Variants in RDX observed in about 807,000 individuals in gnomAD.
RDX encodes the protein deafness, autosomal recessive 24.
Under a neutral mutation model 83.7 loss-of-function variants are expected in RDX, and 32 were observed. The ratio of observed to expected loss-of-function variants is 0.38; its 90% CI spans 0.29 to 0.51. RDX has a LOEUF of 0.51. Among genes scored for constraint, RDX ranks in the 20% least tolerant of loss-of-function variants. The probability of loss-of-function intolerance (pLI) is 0.87; values close to 1 mark genes in which losing one functional copy is unlikely to be tolerated. For missense variants in RDX, 600 were observed against 689.9 expected (o/e 0.87, Z 1.46); for synonymous variants, 229 against 222.7 (o/e 1.03, Z -0.25).
intron 5 of RDX, 117 bp downstream of exon 5, chr11:110,263,843 G>T: frequency 1.1e-6 from 1 of 878,606 alleles, no homozygotes; most frequent in Non-Finnish European, 1.7e-6. Flanking sequence ...ACTCCAGCAT[G>T]GGTGACAGGT....
intron 5 of RDX, among the ~76,000 whole-genome samples, chr11:110,263,614 A>C (rs1185091747): frequency 6.6e-6 from 1 of 151,284 alleles, no homozygotes; most frequent in Non-Finnish European, 1.5e-5. Context: ...TAATCCCAGC[A>C]CTTTGGGAGG....
At chr11:110,262,591 GAA>G (rs5794681) in intron 5 of RDX, among the ~76,000 whole-genome samples, 2,444 of 146,196 alleles carry the variant, frequency 0.017, 32 homozygotes, top group African/African-American at 0.04. Flanking sequence ...CCATCTCAAA[GAA>G]AAAAAAAAAA....
chr11:110,228,717 C>G (rs1297802486), downstream of RDX, among the ~76,000 whole-genome samples: 1 of 151,478 alleles, frequency 6.6e-6, no homozygotes, highest in Non-Finnish European at 1.5e-5. Context: ...AAAAAAAACA[C>G]AATAATATTG....
downstream of RDX, among the ~76,000 whole-genome samples, chr11:110,227,179 G>A (rs1217466625): frequency 1.3e-5 from 2 of 151,818 alleles, no homozygotes; most frequent in African/African-American, 4.8e-5. Flanking sequence ...TCATATTTAA[G>A]TTGAAAAAAA....
chr11:110,231,964 C>A lies in RDX; in HGVS notation c.1657G>T (p.Glu553Ter). 2 of 1,614,138 alleles carry A rather than the reference C, an allele frequency of 1.2e-6. No individual in the cohort carries two copies. Among genetic ancestry groups the A allele is most frequent in the Non-Finnish European group, 1.7e-6 (2 of 1,179,990 alleles). The change falls in exon 14 of 14, where the codon GAG (glutamate) becomes TAG (stop). Residue 553 changes from glutamate to a stop codon, truncating the protein, a stop_gained. Transcript: ENST00000645495. LOFTEE classifies it high-confidence loss of function. ...KKTQNDVLHA[E>*]NVKAGRDKYK... is the part of the protein sequence containing the mutation. Reference sequence around the variant, plus strand: ...TTATCACGGCCTGCTTTAACATTCTCAGCATGAAGAACATCATTTTGTGTT... The same window carrying A: ...TTATCACGGCCTGCTTTAACATTCTAAGCATGAAGAACATCATTTTGTGTT...
intron 9 of RDX, among the ~76,000 whole-genome samples, chr11:110,251,160 G>T (rs550637243): frequency 6.6e-6 from 1 of 152,190 alleles, no homozygotes; most frequent in South Asian, 2.1e-4. Flanking sequence ...TTTTTATTTG[G>T]AGTTTGGGTT....
intron 9 of RDX, among the ~76,000 whole-genome samples, chr11:110,248,435 C>T (rs1402371164): frequency 6.6e-6 from 1 of 152,044 alleles, no homozygotes; most frequent in African/African-American, 2.4e-5. Flanking sequence ...CAATGTATTA[C>T]TTATTGTGGG....
downstream of RDX, among the ~76,000 whole-genome samples, chr11:110,224,530 T>TA (rs941487040): frequency 3.3e-5 from 5 of 152,010 alleles, no homozygotes; most frequent in African/African-American, 1.2e-4. Flanking sequence ...AAAGCTAGAG[T>TA]ACGAGAGCAT....
At chr11:110,194,654 TTAAGTTA>T (rs1271188551) in intron 15 of RDX, among the ~76,000 whole-genome samples, 1 of 152,238 alleles carries the variant, frequency 6.6e-6, no homozygotes, top group African/African-American at 2.4e-5. Flanking sequence ...TGGTTATCCT[TTAAGTTA>T]TAAAAGTGCC....
At chr11:110,287,939 G>A (rs182859857) in intron 1 of RDX, among the ~76,000 whole-genome samples, 1 of 152,266 alleles carries the variant, frequency 6.6e-6, no homozygotes, top group African/African-American at 2.4e-5. Context: ...TTTTAGACAA[G>A]TTCATTCGAA....
intron 15 of RDX, among the ~76,000 whole-genome samples, chr11:110,188,778 T>A (rs73553556): frequency 0.042 from 6,324 of 152,062 alleles, 450 homozygotes; most frequent in African/African-American, 0.14. Context: ...AGAAATAACC[T>A]CTTTTATAGA....
rs1461034118 is a variant in RDX at position 110,231,653 on chromosome 11, C to G, written c.*216G>C. The G allele has an allele frequency of 3.1e-5, 18 of 585,420 alleles. No homozygotes were observed. The African/African-American group carries it at 3.4e-4, about 11-fold the overall frequency. 36.3% of individuals were successfully genotyped at this position (585,420 alleles called of 1,614,324 possible). A position where few individuals can be genotyped will look rare whatever the true frequency, so the allele number is the denominator to read the frequency against. ...TGAAAAGAGGCAATGGAACACCATT[C>G]TCCATTCCCTGGACCAAAAGAAAAA... On this transcript the variant is annotated 3_prime_UTR_variant, in exon 14 of 14. Transcript: ENST00000645495.
chr11:110,280,423 A>G (rs1411113131), intron 1 of RDX, among the ~76,000 whole-genome samples: 1 of 151,772 alleles, frequency 6.6e-6, no homozygotes, highest in East Asian at 1.9e-4. Flanking sequence ...TTTTTATTTT[A>G]TTTTTTTGTA....
downstream of RDX, among the ~76,000 whole-genome samples, chr11:110,225,148 G>A (rs778653063): frequency 4.6e-5 from 7 of 152,006 alleles, no homozygotes; most frequent in African/African-American, 7.3e-5. Context: ...CTCTTCTGCC[G>A]TGCCTTTTTG....
In RDX at chr11:110,255,340, A is replaced by T. The variant is rs1208517384; in HGVS notation, c.744T>A (p.Ile248=). Residue 248 remains isoleucine (I), a synonymous_variant, in exon 8 of 14, where the codon ATT becomes ATA. Transcript: ENST00000645495. ...IGFPWSEIRN[I]SFNDKKFVIK... ...TAACAAATTTTTTGTCATTAAATGA[A>T]ATATTTCTGATTTCACTCCAGGGAA... The T allele has an allele frequency of 6.3e-7, 1 of 1,594,564 alleles. No homozygotes were observed. Among genetic ancestry groups the T allele is most frequent in the Admixed American group, 1.7e-5 (1 of 59,910 alleles).
intron 15 of RDX, among the ~76,000 whole-genome samples, chr11:110,189,458 C>G (rs989538736): frequency 1.3e-5 from 2 of 151,978 alleles, no homozygotes; most frequent in Non-Finnish European, 2.9e-5. Context: ...ATCATCAAGG[C>G]AGAAAACTAA....
rs911536590 is a variant in RDX at position 110,207,973 on chromosome 11, G to A, written c.1749-8295C>T. Among the ~76,000 whole-genome samples, 10 of 146,370 alleles carry A rather than the reference G, an allele frequency of 6.8e-5. No homozygotes were observed. In the Admixed American group the frequency reaches 7.1e-4, roughly 10 times the overall value. ...GCAAAAATCTAATAAAGAATCATAA[G>A]GAAGTTGAATCAGATTTTTTTTTTT... On this transcript the variant is annotated intron_variant, in intron 14 of 15. Coordinates refer to the RDX transcript ENST00000528498.
At chr11:110,277,172 C>T (rs1030307923) in intron 2 of RDX, among the ~76,000 whole-genome samples, 22 of 152,114 alleles carry the variant, frequency 1.4e-4, no homozygotes, top group African/African-American at 2.2e-4. Context: ...CTTTAAGGAA[C>T]AATAAACACT....
At chr11:110,219,140 T>C (rs1008624131) in intron 14 of RDX, among the ~76,000 whole-genome samples, 2 of 152,126 alleles carry the variant, frequency 1.3e-5, no homozygotes, top group Admixed American at 6.5e-5. Context: ...GGCGGCCTCA[T>C]TGAGGTGGCA....
Sources: allele counts gnomAD v4.1 joint callset (sites outside exome capture counted in the v4.1 genomes callset), GRCh38; gene constraint gnomAD v4.1.1; transcripts MANE v1.5; gene names NCBI Gene and HGNC (gene_info 2026-07-23, HGNC 2026-07-21).